Variants in CMIP observed in about 807,000 individuals in gnomAD.
The protein encoded by CMIP is C-Maf-inducing protein.
Under a neutral mutation model 97.3 loss-of-function variants are expected in CMIP, and 13 were observed. The ratio of observed to expected loss-of-function variants is 0.13; its 90% confidence interval spans 0.09 to 0.21. The LOEUF is 0.21. Among genes scored for constraint, CMIP ranks in the 10% least tolerant of loss-of-function variants. The probability of loss-of-function intolerance (pLI) is 1.00; values close to 1 mark genes in which losing one functional copy is unlikely to be tolerated. For synonymous variants in CMIP, 538 were observed against 436.3 expected, an observed-to-expected ratio of 1.23 and a Z score of -2.91; for missense variants, 847 against 1,024.9, an observed-to-expected ratio of 0.83 and a Z score of 2.37.
intron 1 of CMIP, among the ~76,000 whole-genome samples, chr16:81,545,649 G>A (rs578018880): frequency 3.9e-5 from 6 of 152,118 alleles, no homozygotes; most frequent in Non-Finnish European, 8.8e-5. Flanking sequence ...CGATGCTCAC[G>A]GTAAAACTAG....
intron 1 of CMIP, 50 bp from the exon 2 acceptor site, chr16:81,607,517 C>A (rs749338494): frequency 7.1e-5 from 114 of 1,598,830 alleles, no homozygotes; most frequent in Non-Finnish European, 9.1e-5. Flanking sequence ...GGACGTCATG[C>A]CTGCTACTGT....
Position 81,614,535 on chromosome 16 carries a change from G to T in CMIP, c.427-6341G>T, listed in dbSNP as rs929580105. Among the ~76,000 whole-genome samples, 2 of 152,016 alleles carry T rather than the reference G, an allele frequency of 1.3e-5. No homozygotes were observed. The highest frequency in any genetic ancestry group is 4.8e-5 in the African/African-American group (2 of 41,378). On this transcript the variant is annotated intron_variant, in intron 2 of 20. Transcript: ENST00000537098. This position sits in a 1 kb window ranked among gnomAD's most constrained non-coding sequence, Gnocchi z 5.3. ...TGGGTGTGTGTGTGGTATATGCATTGGTTTCCCCAGTGGAAATGTGGCAGT... is the reference window on the plus strand; with the variant it reads ...TGGGTGTGTGTGTGGTATATGCATTTGTTTCCCCAGTGGAAATGTGGCAGT...
chr16:81,569,945 T>TTTCA (rs71146021), intron 1 of CMIP, among the ~76,000 whole-genome samples: 11,384 of 150,848 alleles, frequency 0.075, 745 homozygotes, highest in African/African-American at 0.18. Context: ...TGCACTTAAC[T>TTTCA]TTCATTCATT....
At chr16:81,611,769 TCTTA>T (rs2091835968) in intron 2 of CMIP, among the ~76,000 whole-genome samples, 1 of 152,186 alleles carries the variant, frequency 6.6e-6, no homozygotes, top group East Asian at 1.9e-4. Context: ...TTTGTAAAAC[TCTTA>T]CTTTGTTAGA....
At chr16:81,651,317 G>A in intron 3 of CMIP, 1 of 480,414 alleles carries the variant, frequency 2.1e-6, no homozygotes, top group Non-Finnish European at 2.7e-6. Flanking sequence ...CCTTCCGAGG[G>A]CCTCCGTTTC....
chr16:81,513,650 C>T (rs1227748288), intron 1 of CMIP, among the ~76,000 whole-genome samples: 2 of 152,196 alleles, frequency 1.3e-5, no homozygotes, highest in Non-Finnish European at 2.9e-5. Flanking sequence ...TGTGCAGACC[C>T]GTGGGTCTAG....
intron 1 of CMIP, among the ~76,000 whole-genome samples, chr16:81,593,852 A>G (rs969105070): frequency 6.6e-6 from 1 of 152,090 alleles, no homozygotes; most frequent in Non-Finnish European, 1.5e-5. Flanking sequence ...ACCTGTGCTG[A>G]GCACGCCACA....
intron 1 of CMIP, among the ~76,000 whole-genome samples, chr16:81,523,154 A>G (rs2090061232): frequency 6.6e-6 from 1 of 152,190 alleles, no homozygotes; most frequent in Non-Finnish European, 1.5e-5. Flanking sequence ...TCCTGGGCTC[A>G]AGTGATCCTC....
At chr16:81,503,969 C>G (rs985126278) in intron 1 of CMIP, among the ~76,000 whole-genome samples, 5 of 152,206 alleles carry the variant, frequency 3.3e-5, no homozygotes, top group Non-Finnish European at 5.9e-5. Flanking sequence ...CACATGCCAA[C>G]TGTCATTTTA....
At chr16:81,625,059 G>T (rs7197860) in intron 3 of CMIP, among the ~76,000 whole-genome samples, 79,412 of 152,084 alleles carry the variant, frequency 0.52, 21,124 homozygotes, top group African/African-American at 0.6. Context: ...GGATAAGTCA[G>T]TCGCACAAGG....
At chr16:81,630,881 G>A (rs1411808788) in intron 3 of CMIP, 1 of 152,292 alleles carries the variant, frequency 6.6e-6, no homozygotes. Context: ...ACTGCAGGAG[G>A]GGCCCTCAGT....
intron 1 of CMIP, among the ~76,000 whole-genome samples, chr16:81,526,393 C>G (rs73594488): frequency 0.065 from 9,924 of 152,242 alleles, 1,043 homozygotes; most frequent in African/African-American, 0.23. Context: ...GTGCCTGTGA[C>G]TTAGTCATCA....
chr16:81,503,332 G>T (rs994140402), intron 1 of CMIP, among the ~76,000 whole-genome samples: 1 of 152,200 alleles, frequency 6.6e-6, no homozygotes, highest in Admixed American at 6.5e-5. Context: ...TGAGCAGTCA[G>T]TGTTATCCCT....
chr16:81,568,890 C>T lies in CMIP; in HGVS notation c.301-38677C>T, dbSNP rs147830602. The stretch of plus-strand genomic sequence containing the variant: ...GAAGGGTTAAATGACCTTAATAAGC[C>T]GAAGTAGCTGTGAATCAGTGAGAAA... On this transcript the variant is annotated intron_variant, in intron 1 of 20. Transcript: ENST00000537098. Among the ~76,000 whole-genome samples the T allele has an allele frequency of 5.9e-5, 9 of 152,152 alleles. No individual in the cohort carries two copies. In the East Asian group the frequency reaches 7.7e-4, roughly 13 times the overall value.
intron 1 of CMIP, among the ~76,000 whole-genome samples, chr16:81,452,781 G>A (rs1171780176): frequency 6.6e-6 from 1 of 151,656 alleles, no homozygotes; most frequent in African/African-American, 2.4e-5. Context: ...TAATGAGTAT[G>A]TAGAATGTGC....
intron 1 of CMIP, among the ~76,000 whole-genome samples, chr16:81,545,880 C>T (rs2090537352): frequency 6.6e-6 from 1 of 152,196 alleles, no homozygotes; most frequent in Admixed American, 6.5e-5. Context: ...GGGATTCCCA[C>T]ATGCCTGTAA....
intron 1 of CMIP, among the ~76,000 whole-genome samples, chr16:81,546,656 A>G (rs1228151183): frequency 6.6e-6 from 1 of 152,162 alleles, no homozygotes; most frequent in African/African-American, 2.4e-5. Context: ...TTGAAGTCAG[A>G]TGATTATCGT....
chr16:81,458,010 A>G (rs1906667738), intron 1 of CMIP, among the ~76,000 whole-genome samples: 2 of 152,218 alleles, frequency 1.3e-5, no homozygotes, highest in Non-Finnish European at 2.9e-5. Context: ...TGGGTTGTTG[A>G]AAAGGGGAAT....
chr16:81,453,579 T>C lies in CMIP; in HGVS notation c.300+8038T>C, dbSNP rs980410195. Among the ~76,000 whole-genome samples, 1 of 152,168 alleles carries C rather than the reference T, an allele frequency of 6.6e-6. No individual in the cohort carries two copies. The highest frequency in any genetic ancestry group is 2.4e-5 in the African/African-American group (1 of 41,430). On this transcript the variant is annotated intron_variant, in intron 1 of 20. Transcript: ENST00000537098. This position sits in a 1 kb window ranked among gnomAD's most constrained non-coding sequence, Gnocchi z 4.0. ...GCTCCCTGTGTGGACTAGGTGACCC[T>C]GTTTACCAACACACACACCGGTGCG...
Sources: allele counts gnomAD v4.1 joint callset (sites outside exome capture counted in the v4.1 genomes callset), GRCh38; gene constraint gnomAD v4.1.1; non-coding constraint Gnocchi (gnomAD v3.1); transcripts MANE v1.5; gene names NCBI Gene and HGNC (gene_info 2026-07-23, HGNC 2026-07-21).